AVEN: variants seen among roughly 807,000 people sequenced by gnomAD.
The protein encoded by AVEN is cell death regulator Aven.
In AVEN, 41 loss-of-function variants were observed where a neutral mutation model predicts 38.1. That is an observed-to-expected ratio of 1.08 (90% CI 0.84 to 1.40). The LOEUF (loss-of-function observed/expected upper bound fraction) is 1.40. Ranked by LOEUF, AVEN falls within the 40% of genes most tolerant of loss-of-function variation. The probability of loss-of-function intolerance (pLI) is 0.00; values close to 1 mark genes in which losing one functional copy is unlikely to be tolerated. For synonymous variants in AVEN, 206 were observed against 171.8 expected (o/e 1.20, Z -1.56); for missense variants, 605 against 438.8 (o/e 1.38, Z -3.38).
chr15:33,867,823 T>C lies in AVEN; in HGVS notation c.645A>G (p.Lys215=). The C allele has an allele frequency of 6.2e-7, 1 of 1,603,200 alleles. No individual in the cohort carries two copies. The highest frequency in any genetic ancestry group is 8.5e-7 in the Non-Finnish European group (1 of 1,176,676). ...GTVPLEVPQV[K]PKRTDDGKGL... ...CCTTGCCATCATCAGTTCTCTTTGG[T>C]TTCACCTGAGGAACCTCTAAAGGAA... The change falls in exon 5 of 6, where the codon AAA becomes AAG. Residue 215 remains lysine (K), a synonymous_variant. Transcript: ENST00000306730.
chr15:33,959,169 A>C (rs1895074523), intron 2 of AVEN, among the ~76,000 whole-genome samples: 1 of 152,120 alleles, frequency 6.6e-6, no homozygotes, highest in Non-Finnish European at 1.5e-5. Flanking sequence ...CAGTTGAAAC[A>C]TCACCTCATT....
At chr15:33,881,520 G>C (rs539598776) in intron 2 of AVEN, among the ~76,000 whole-genome samples, 8 of 152,156 alleles carry the variant, frequency 5.3e-5, no homozygotes, top group African/African-American at 1.4e-4. Context: ...ATTTTAAGTA[G>C]TAAACTTGGT....
At chr15:33,938,567 A>G (rs1286118200) in intron 2 of AVEN, among the ~76,000 whole-genome samples, 1 of 152,220 alleles carries the variant, frequency 6.6e-6, no homozygotes, top group Non-Finnish European at 1.5e-5. Context: ...ATTTGCATAC[A>G]TGTAACCAAC....
At chr15:34,017,734 C>G (rs772264930) in intron 1 of AVEN, among the ~76,000 whole-genome samples, 3 of 152,110 alleles carry the variant, frequency 2.0e-5, no homozygotes, top group Non-Finnish European at 4.4e-5. Context: ...CCCACCTCAG[C>G]CTCCCAAAGT....
At chr15:34,019,890 T>C (rs1682211466) in intron 1 of AVEN, among the ~76,000 whole-genome samples, 1 of 152,242 alleles carries the variant, frequency 6.6e-6, no homozygotes, top group South Asian at 2.1e-4. Context: ...TGACTATTTA[T>C]TGTAGCAAAA....
chr15:33,916,877 CT>C (rs955662132), intron 2 of AVEN, among the ~76,000 whole-genome samples: 1 of 151,910 alleles, frequency 6.6e-6, no homozygotes, highest in Non-Finnish European at 1.5e-5. Flanking sequence ...CCTCAGGAAA[CT>C]TACAAACATG....
chr15:33,896,880 C>T (rs991619159), intron 2 of AVEN, among the ~76,000 whole-genome samples: 7 of 152,148 alleles, frequency 4.6e-5, no homozygotes, highest in Non-Finnish European at 1.0e-4. Flanking sequence ...ACATATAAAA[C>T]CCAAAAGGTA....
At position 34,044,213 on chromosome 15, in the gene AVEN, CCTT is replaced by C. The variant is rs778820389; in HGVS notation, n.1637+18706_1637+18708del. 3.9e-4 allele frequency among the ~76,000 whole-genome samples: 59 copies of C among 152,170 alleles called. 1 individual carries two copies. Among genetic ancestry groups the C allele is most frequent in the Non-Finnish European group, 1.2e-4 (8 of 68,036 alleles). On this transcript the variant is annotated intron_variant and non_coding_transcript_variant, in intron 5 of 11. Transcript: ENST00000675287. ...CATCTATAGCACTGTCTCCAATTCTCCTTCTCCCATTCGCTATTTTATCCACTC... is the reference window on the plus strand; with the variant it reads ...CATCTATAGCACTGTCTCCAATTCTCCTCCCATTCGCTATTTTATCCACTC...
chr15:33,887,827 T>C (rs1236921428), intron 2 of AVEN, among the ~76,000 whole-genome samples: 3 of 152,146 alleles, frequency 2.0e-5, no homozygotes, highest in Non-Finnish European at 4.4e-5. Context: ...AGCTTATGTG[T>C]CTTACTAATA....
At chr15:33,971,889 G>C (rs764470037) in intron 2 of AVEN, among the ~76,000 whole-genome samples, 1 of 152,084 alleles carries the variant, frequency 6.6e-6, no homozygotes, top group Non-Finnish European at 1.5e-5. Flanking sequence ...TTCCTGCTGA[G>C]AGAGAACAAT....
chr15:33,865,530 G>A (rs1293438128), downstream of AVEN: 2 of 314,144 alleles, frequency 6.4e-6, no homozygotes, highest in Non-Finnish European at 1.2e-5. Context: ...TGGGATGGAA[G>A]CATGAAGGAA....
intron 2 of AVEN, among the ~76,000 whole-genome samples, chr15:33,937,357 ACC>A: frequency 1.4e-5 from 2 of 145,146 alleles, no homozygotes; most frequent in South Asian, 4.4e-4. Flanking sequence ...ACACGGTGAA[ACC>A]CATCTCTACT....
At chr15:33,867,416 T>C (rs2153033215) in intron 5 of AVEN, 79 bp downstream of exon 5, 3 of 1,508,416 alleles carry the variant, frequency 2.0e-6, no homozygotes, top group Non-Finnish European at 2.7e-6. Context: ...GAGGGATGTG[T>C]GCGGATGTGA....
intron 2 of AVEN, among the ~76,000 whole-genome samples, chr15:34,001,595 G>A (rs1422915460): frequency 1.3e-5 from 2 of 152,096 alleles, no homozygotes; most frequent in African/African-American, 4.8e-5. Context: ...GGTACCAAGA[G>A]GGAAGCACTC....
downstream of AVEN, among the ~76,000 whole-genome samples, chr15:33,855,217 T>G (rs1214035591): frequency 3.3e-5 from 5 of 151,390 alleles, no homozygotes; most frequent in African/African-American, 9.7e-5. Context: ...TTTTTTTTTG[T>G]GACGGTGTCT....
At chr15:34,073,768 G>A (rs1329424039) in intron 1 of AVEN, among the ~76,000 whole-genome samples, 1 of 150,574 alleles carries the variant, frequency 6.6e-6, no homozygotes, top group African/African-American at 2.4e-5. Context: ...TGATCCACCC[G>A]CCTCGGCCTC....
chr15:34,070,608 G>T (rs7166178), exon 2 of AVEN, among the ~76,000 whole-genome samples: 1,837 of 152,138 alleles, frequency 0.012, 44 homozygotes, highest in African/African-American at 0.038. Context: ...TGATCACTTG[G>T]ATACAGGGTG....
chr15:33,974,768 T>G (rs1418395741), intron 2 of AVEN, among the ~76,000 whole-genome samples: 1 of 151,942 alleles, frequency 6.6e-6, no homozygotes, highest in Non-Finnish European at 1.5e-5. Flanking sequence ...AGGTCAGGGG[T>G]TTGAGACCAG....
chr15:33,876,922 A>C (rs1891255800), intron 2 of AVEN, among the ~76,000 whole-genome samples: 1 of 152,194 alleles, frequency 6.6e-6, no homozygotes, highest in Admixed American at 6.5e-5. Flanking sequence ...CATTTTTATA[A>C]ATTTAATCTC....
Sources: allele counts gnomAD v4.1 joint callset (sites outside exome capture counted in the v4.1 genomes callset), GRCh38; gene constraint gnomAD v4.1.1; transcripts MANE v1.5; gene names NCBI Gene and HGNC (gene_info 2026-07-23, HGNC 2026-07-21).